DOK6: variants seen among roughly 807,000 people sequenced by gnomAD.
DOK6 encodes the protein downstream of tyrosine kinase 6.
In DOK6, 22 loss-of-function variants were observed where a neutral mutation model predicts 44.0. The ratio of observed to expected loss-of-function variants is 0.50; its 90% CI spans 0.36 to 0.71. DOK6 has a LOEUF of 0.71. Ranked by LOEUF, DOK6 falls within the 30% of genes least tolerant of loss-of-function variation. The probability of loss-of-function intolerance (pLI) is 0.00; values close to 1 mark genes in which losing one functional copy is unlikely to be tolerated. For synonymous variants in DOK6, 166 were observed against 145.5 expected, an observed-to-expected ratio of 1.14 and a Z score of -1.01; for missense variants, 340 against 416.4, an observed-to-expected ratio of 0.82 and a Z score of 1.60.
intron 7 of DOK6, among the ~76,000 whole-genome samples, chr18:69,835,821 G>T (rs1038024143): frequency 1.3e-5 from 2 of 152,116 alleles, no homozygotes; most frequent in Non-Finnish European, 2.9e-5. Context: ...ATCTCCCCCA[G>T]ATTCTAACAA....
intron 6 of DOK6, 60 bp downstream of exon 6, chr18:69,739,163 T>C: frequency 6.3e-7 from 1 of 1,599,796 alleles, no homozygotes; most frequent in Non-Finnish European, 8.5e-7. Flanking sequence ...GGATCTGATG[T>C]ACACTGTGTA....
chr18:69,566,672 C>G (rs1982991826), intron 2 of DOK6, among the ~76,000 whole-genome samples: 1 of 152,188 alleles, frequency 6.6e-6, no homozygotes, highest in African/African-American at 2.4e-5. Flanking sequence ...CCCGAAAAAG[C>G]TTGCATTCTA....
intron 4 of DOK6, among the ~76,000 whole-genome samples, chr18:69,679,091 G>A (rs946301594): frequency 5.9e-5 from 9 of 152,112 alleles, no homozygotes; most frequent in Non-Finnish European, 1.3e-4. Context: ...TGGGAGGCTC[G>A]CTTGAGCCTG....
intron 3 of DOK6, among the ~76,000 whole-genome samples, chr18:69,643,196 T>C (rs1258244593): frequency 6.6e-6 from 1 of 152,214 alleles, no homozygotes; most frequent in East Asian, 1.9e-4. Flanking sequence ...AACGGTAATG[T>C]TTTGCAAAAC....
chr18:69,639,285 C>G (rs1984883553), intron 3 of DOK6, among the ~76,000 whole-genome samples: 2 of 152,166 alleles, frequency 1.3e-5, no homozygotes, highest in South Asian at 4.1e-4. Context: ...TCTAAGTGTC[C>G]TCCCATCCTC....
chr18:69,504,069 A>T (rs1981119346), intron 1 of DOK6, among the ~76,000 whole-genome samples: 1 of 152,048 alleles, frequency 6.6e-6, no homozygotes, highest in Non-Finnish European at 1.5e-5. Context: ...GTAGGTTTCC[A>T]TGTCAAATAT....
At chr18:69,664,942 G>T (rs1014905920) in intron 3 of DOK6, among the ~76,000 whole-genome samples, 2 of 152,140 alleles carry the variant, frequency 1.3e-5, no homozygotes, top group African/African-American at 4.8e-5. Context: ...ACTTTGGGGG[G>T]CCAAGGTGGG....
intron 1 of DOK6, among the ~76,000 whole-genome samples, chr18:69,459,197 GTGTGTGT>G (rs1979721215): frequency 1.7e-5 from 2 of 114,922 alleles, no homozygotes; most frequent in African/African-American, 6.1e-5. Context: ...TTGTGTGTGT[GTGTGTGT>G]GTGTGTGTGT....
At chr18:69,435,914 A>C (rs1978962649) in intron 1 of DOK6, among the ~76,000 whole-genome samples, 1 of 152,060 alleles carries the variant, frequency 6.6e-6, no homozygotes, top group African/African-American at 2.4e-5. Flanking sequence ...ATTTAATATA[A>C]TTTAAGATAA....
At chr18:69,661,450 C>G (rs540060496) in intron 3 of DOK6, 3 of 152,230 alleles carry the variant, frequency 2.0e-5, no homozygotes, top group South Asian at 4.2e-4. Flanking sequence ...ATAGCATATG[C>G]ATAAGCAACT....
At chr18:69,819,589 G>A (rs1568135450) in intron 7 of DOK6, among the ~76,000 whole-genome samples, 1 of 152,274 alleles carries the variant, frequency 6.6e-6, no homozygotes, top group East Asian at 1.9e-4. Flanking sequence ...GTGCTAAAAT[G>A]ACAATGTTAT....
chr18:69,735,789 A>G (rs554423814), intron 5 of DOK6, among the ~76,000 whole-genome samples: 1 of 152,342 alleles, frequency 6.6e-6, no homozygotes, highest in Admixed American at 6.5e-5. Flanking sequence ...TTACAGAAAC[A>G]GGCAGAATAT....
At chr18:69,711,223 A>G (rs1451253840) in intron 5 of DOK6, among the ~76,000 whole-genome samples, 1 of 152,214 alleles carries the variant, frequency 6.6e-6, no homozygotes, top group Non-Finnish European at 1.5e-5. Context: ...CCTCAGACCT[A>G]TTTCCAAATA....
intron 6 of DOK6, among the ~76,000 whole-genome samples, chr18:69,749,699 A>G (rs1385228933): frequency 6.6e-6 from 1 of 151,980 alleles, no homozygotes; most frequent in Non-Finnish European, 1.5e-5. Context: ...CCAGCACTCT[A>G]GGAGGCCGAG....
intron 1 of DOK6, among the ~76,000 whole-genome samples, chr18:69,430,787 T>G (rs377225267): frequency 1.3e-5 from 2 of 152,000 alleles, no homozygotes; most frequent in Non-Finnish European, 2.9e-5. Context: ...ATTAACATGG[T>G]GAAACCCCAT....
intron 1 of DOK6, among the ~76,000 whole-genome samples, chr18:69,429,787 C>A (rs1165609425): frequency 6.6e-6 from 1 of 151,306 alleles, no homozygotes; most frequent in Non-Finnish European, 1.5e-5. Flanking sequence ...ACAAGTTAAA[C>A]CTGTTAAAAA....
At chr18:69,496,009 G>A (rs1195405143) in intron 1 of DOK6, among the ~76,000 whole-genome samples, 3 of 152,216 alleles carry the variant, frequency 2.0e-5, no homozygotes, top group African/African-American at 7.2e-5. Context: ...ACTTGCGGGG[G>A]GAGATGCCTG....
intron 1 of DOK6, among the ~76,000 whole-genome samples, chr18:69,510,304 T>C (rs1044729527): frequency 6.6e-6 from 1 of 152,234 alleles, no homozygotes; most frequent in African/African-American, 2.4e-5. Flanking sequence ...ATATTGCTTT[T>C]AGTTAATATT....
chr18:69,791,977 C>T (rs1330937246), intron 7 of DOK6, among the ~76,000 whole-genome samples: 1 of 152,028 alleles, frequency 6.6e-6, no homozygotes, highest in African/African-American at 2.4e-5. Context: ...TATAGATACT[C>T]GGTTTTCCCA....
Sources: gnomAD v4.1 joint callset for allele counts (sites outside exome capture counted in the v4.1 genomes callset) on GRCh38, gnomAD v4.1.1 for gene constraint, MANE v1.5 for transcripts, NCBI Gene and HGNC (gene_info 2026-07-23, HGNC 2026-07-21) for gene names.